NOB1: variants seen among roughly 807,000 people sequenced by gnomAD.
NOB1 encodes RNA-binding protein NOB1.
NOB1 carries 44 observed loss-of-function variants against 44.8 expected under a neutral mutation model. The ratio of observed to expected loss-of-function variants is 0.98; its 90% CI spans 0.77 to 1.26. The LOEUF is 1.26. Ranked by LOEUF, NOB1 falls within the 50% of genes most tolerant of loss-of-function variation. The pLI, the probability that NOB1 is intolerant of heterozygous loss-of-function variation, is 0.00. For missense variants in NOB1, 560 were observed against 544.8 expected, an observed-to-expected ratio of 1.03 and a Z score of -0.28; for synonymous variants, 238 against 218.7, an observed-to-expected ratio of 1.09 and a Z score of -0.78.
intron 3 of NOB1, among the ~76,000 whole-genome samples, chr16:69,751,939 G>A (rs2038486026): frequency 6.6e-6 from 1 of 152,096 alleles, no homozygotes; most frequent in African/African-American, 2.4e-5. Flanking sequence ...GTGGGCGCCT[G>A]TAATCCTACC....
intron 3 of NOB1, among the ~76,000 whole-genome samples, chr16:69,750,744 C>T (rs1387581978): frequency 6.6e-6 from 1 of 152,150 alleles, no homozygotes; most frequent in African/African-American, 2.4e-5. Context: ...TGAGACCAGC[C>T]TGGGCAACAC....
In NOB1 at chr16:69,749,067, C is replaced by T. The variant is rs764295087; in HGVS notation, c.577G>A (p.Gly193Arg). Reference sequence around the variant, plus strand: ...CTGTCATCTTTTCTGTCTTCAAACCCGTTTTCTTCCTCCTCCTCCTCCTCA... The same window carrying T: ...CTGTCATCTTTTCTGTCTTCAAACCTGTTTTCTTCCTCCTCCTCCTCCTCA... ...PSEEEEEEENGFEDRKDDSDD... is the reference protein window; with the variant it reads ...PSEEEEEEENRFEDRKDDSDD... Residue 193 changes from glycine to arginine, a missense_variant, in exon 6 of 9, where the codon GGG becomes AGG. Coordinates refer to ENST00000268802, the MANE Select transcript of NOB1 (RefSeq NM_014062.3). 21 of 1,614,128 alleles carry T rather than the reference C, an allele frequency of 1.3e-5. No individual in the cohort carries two copies. Among genetic ancestry groups the T allele is most frequent in the South Asian group, 6.6e-5 (6 of 91,094 alleles).
intron 8 of NOB1, among the ~76,000 whole-genome samples, chr16:69,744,464 C>G (rs968757553): frequency 6.6e-6 from 1 of 152,200 alleles, no homozygotes. Context: ...GCCACTCATT[C>G]GTCCTCCAAT....
intron 7 of NOB1, among the ~76,000 whole-genome samples, chr16:69,746,545 G>T (rs1236061660): frequency 6.6e-6 from 1 of 152,228 alleles, no homozygotes; most frequent in South Asian, 2.1e-4. Context: ...CTTATGTATT[G>T]GATACCACAG....
chr16:69,752,611 T>C (rs1363795585), intron 2 of NOB1, among the ~76,000 whole-genome samples: 2 of 152,316 alleles, frequency 1.3e-5, no homozygotes, highest in East Asian at 3.9e-4. Flanking sequence ...TTAGATTTAC[T>C]GTAACACCCT....
intron 7 of NOB1, among the ~76,000 whole-genome samples, chr16:69,746,205 C>G (rs1430666730): frequency 6.6e-6 from 1 of 152,248 alleles, no homozygotes; most frequent in Admixed American, 6.5e-5. Flanking sequence ...ACTGGAAGAG[C>G]TGGGGACCCA....
At chr16:69,751,958 T>C (rs1329374920) in intron 3 of NOB1, among the ~76,000 whole-genome samples, 2 of 151,522 alleles carry the variant, frequency 1.3e-5, no homozygotes, top group Non-Finnish European at 2.9e-5. Flanking sequence ...CCAACTACTC[T>C]CGAGACTGAG....
At position 69,744,952 on chromosome 16, in the gene NOB1, G is replaced by A. The variant is rs1435373076; in HGVS notation, c.890C>T (p.Ser297Phe). Residue 297 changes from serine (S) to phenylalanine (F), a missense_variant, in exon 8 of 9, where the codon TCC becomes TTC. Coordinates refer to ENST00000268802, the MANE Select transcript of NOB1 (RefSeq NM_014062.3). ...HCGNKTLKKV[S>F]VTVSDDGTLH... ...GGTGCCGTCGTCGCTGACGGTCACGGACACTTTCTTCAGGGTCTTGTTCCC... is the reference window on the plus strand; with the variant it reads ...GGTGCCGTCGTCGCTGACGGTCACGAACACTTTCTTCAGGGTCTTGTTCCC... 2 of 1,614,036 alleles carry A rather than the reference G, an allele frequency of 1.2e-6. No homozygotes were observed. The highest frequency in any genetic ancestry group is 2.7e-5 in the African/African-American group (2 of 74,906).
At chr16:69,747,397 A>T (rs2038442372) in intron 7 of NOB1, among the ~76,000 whole-genome samples, 1 of 152,090 alleles carries the variant, frequency 6.6e-6, no homozygotes, top group Non-Finnish European at 1.5e-5. Context: ...AAGCACAAAG[A>T]AGTGAATCAG....
chr16:69,745,178 G>A (rs1382444029), intron 7 of NOB1, among the ~76,000 whole-genome samples, 161 bp from the exon 8 acceptor site: 1 of 152,188 alleles, frequency 6.6e-6, no homozygotes, highest in Non-Finnish European at 1.5e-5. Flanking sequence ...GTCAGCAAAG[G>A]GCTGCCGCAT....
chr16:69,754,907 C>G lies in NOB1; in HGVS notation c.4G>C (p.Ala2Pro), dbSNP rs2038514265. The G allele has an allele frequency of 6.3e-7, 1 of 1,583,912 alleles. No homozygotes were observed. The highest frequency in any genetic ancestry group is 1.1e-5 in the South Asian group (1 of 87,732). Residue 2 changes from alanine to proline, a missense_variant, in exon 1 of 9, where the codon GCT (alanine) becomes CCT (proline). Ala to Pro is a conservative substitution (Grantham distance 27). Coordinates refer to ENST00000268802, the MANE Select transcript of NOB1 (RefSeq NM_014062.3). ...TCCGCCACAACGTGCTCCACTGGAG[C>G]CATGTTGGCTGCGTGAGAGGGGAGC... M[A>P]PVEHVVADAG...
intron 7 of NOB1, among the ~76,000 whole-genome samples, chr16:69,746,639 C>G (rs572252821): frequency 3.9e-5 from 6 of 152,320 alleles, no homozygotes; most frequent in Non-Finnish European, 8.8e-5. Flanking sequence ...GGTGTGGTGG[C>G]TCATGCCTGC....
chr16:69,750,838 T>G (rs1244488154), intron 3 of NOB1, among the ~76,000 whole-genome samples: 2 of 152,118 alleles, frequency 1.3e-5, no homozygotes, highest in Non-Finnish European at 2.9e-5. Flanking sequence ...TTTGATGACT[T>G]TAGGCAGAGA....
chr16:69,748,274 C>T lies in NOB1; in HGVS notation c.782G>A (p.Arg261His), dbSNP rs766211851. The T allele has an allele frequency of 8.1e-6, 13 of 1,613,958 alleles. No individual in the cohort carries two copies. The East Asian group carries it at 1.1e-4, about 14-fold the overall frequency. The change falls in exon 7 of 9, where the codon CGT becomes CAT. Residue 261 changes from arginine to histidine, a missense_variant. Coordinates refer to ENST00000268802, the MANE Select transcript of NOB1 (RefSeq NM_014062.3). ...GCGCAAGATGTAGCTCCGGGCCTCACGAATCAGCATGCCGTTCACCGCCAG... is the reference window on the plus strand; with the variant it reads ...GCGCAAGATGTAGCTCCGGGCCTCATGAATCAGCATGCCGTTCACCGCCAG... ...HVLAVNGMLIREARSYILRCH... is the reference protein window; with the variant it reads ...HVLAVNGMLIHEARSYILRCH...
At chr16:69,745,884 A>G (rs1010408461) in intron 7 of NOB1, among the ~76,000 whole-genome samples, 6 of 152,258 alleles carry the variant, frequency 3.9e-5, no homozygotes, top group Admixed American at 2.0e-4. Flanking sequence ...CTGTGCAGTC[A>G]CGGGGCTAAT....
chr16:69,744,529 C>T (rs1040957063), intron 8 of NOB1, among the ~76,000 whole-genome samples: 3 of 152,148 alleles, frequency 2.0e-5, no homozygotes, highest in Non-Finnish European at 2.9e-5. Context: ...CCCGTCCGGC[C>T]CTCTCTTCCG....
Position 69,742,208 on chromosome 16 carries a change from G to A in NOB1, c.*124C>T, listed in dbSNP as rs769003023. 333 of 1,277,632 alleles carry A rather than the reference G, an allele frequency of 2.6e-4. No individual in the cohort carries two copies. Among genetic ancestry groups the A allele is most frequent in the Non-Finnish European group, 2.3e-4 (208 of 918,696 alleles). 79.1% of individuals were successfully genotyped at this position (1,277,632 alleles called of 1,614,324 possible). A position where few individuals can be genotyped will look rare whatever the true frequency, so the allele number is the denominator to read the frequency against. On this transcript the variant is annotated 3_prime_UTR_variant, in exon 9 of 9. Transcript: ENST00000268802. The stretch of plus-strand genomic sequence containing the variant: ...CAGCGGGGCATGGGCGGACAGAGCC[G>A]CACCGTGAAGCCCGCCTGTTATTTC...
Position 69,746,058 on chromosome 16 carries a change from G to A in NOB1, c.825-1041C>T, listed in dbSNP as rs1052495147. On this transcript the variant is annotated intron_variant, in intron 7 of 8. Coordinates refer to ENST00000268802, the MANE Select transcript of NOB1 (RefSeq NM_014062.3). ...AGCAAAGGGACGTAAAGCTTCAGAGGAAGGTATGGGCCGCTCTGAGGAGTG... is the reference window on the plus strand; with the variant it reads ...AGCAAAGGGACGTAAAGCTTCAGAGAAAGGTATGGGCCGCTCTGAGGAGTG... 2.1e-4 allele frequency among the ~76,000 whole-genome samples: 32 copies of A among 152,254 alleles called. 1 individual carries two copies. Among genetic ancestry groups the A allele is most frequent in the Admixed American group, 2.0e-3 (31 of 15,294 alleles).
rs2038394132 is a variant in NOB1, at chr16:69,742,602, C to T, written c.970-1G>A. ...CCCCTTTGGGAGTGGGAAGCGAGTA[C>T]TGGAAATAAGACAAGGAAGGGCCAT... On this transcript the variant is annotated splice_acceptor_variant, in intron 8 of 8. Transcript: ENST00000268802. LOFTEE classifies it high-confidence loss of function. The T allele has an allele frequency of 6.2e-7, 1 of 1,613,740 alleles. No homozygotes were observed. The highest frequency in any genetic ancestry group is 1.3e-5 in the African/African-American group (1 of 74,978).
Sources: gnomAD v4.1 joint callset for allele counts (sites outside exome capture counted in the v4.1 genomes callset) on GRCh38, gnomAD v4.1.1 for gene constraint, MANE v1.5 for transcripts, NCBI Gene and HGNC (gene_info 2026-07-23, HGNC 2026-07-21) for gene names.